Variants in UQCRFS1 observed in about 807,000 individuals in gnomAD.
UQCRFS1 encodes the protein cytochrome b-c1 complex subunit Rieske, mitochondrial.
A neutral mutation model predicts 15.6 loss-of-function variants in UQCRFS1; 6 were observed. The observed-to-expected ratio is 0.38, with a 90% CI of 0.21 to 0.76. The LOEUF (loss-of-function observed/expected upper bound fraction) is 0.76, where lower values mean the gene tolerates loss of function less well. Among genes scored for constraint, UQCRFS1 ranks in the 30% least tolerant of loss-of-function variants. The probability of loss-of-function intolerance (pLI) is 0.44; values close to 1 mark genes in which losing one functional copy is unlikely to be tolerated. For missense variants in UQCRFS1, 203 were observed against 366.7 expected (o/e 0.55, Z 3.65); for synonymous variants, 105 against 154.3 (o/e 0.68, Z 2.37).
rs934460041 is a variant in UQCRFS1, at chr19:29,207,278, C to T, written c.*270G>A. The stretch of plus-strand genomic sequence containing the variant: ...CAGATTTCACAAGTATCTTGTACAC[C>T]AGTCTGTAATTTTTAATTAGAATTA... On this transcript the variant is annotated 3_prime_UTR_variant, in exon 2 of 2. Coordinates refer to ENST00000304863, the MANE Select transcript of UQCRFS1 (RefSeq NM_006003.3). 11 of 331,426 alleles carry T rather than the reference C, an allele frequency of 3.3e-5. No individual in the cohort carries two copies. The highest frequency in any genetic ancestry group is 6.0e-5 in the Non-Finnish European group (11 of 182,532). The allele number at this position is 331,426 out of a possible 1,614,324, so 20.5% of individuals were successfully genotyped here.
rs1976598126 is a variant in UQCRFS1, at chr19:29,206,776, G to C, written c.*772C>G. 6.6e-6 allele frequency: 1 copy of C among 152,194 alleles called. No individual in the cohort carries two copies. The highest frequency in any genetic ancestry group is 1.5e-5 in the Non-Finnish European group (1 of 68,048). The allele number at this position is 152,194 out of a possible 1,614,324, so 9.4% of individuals were successfully genotyped here. A position where few individuals can be genotyped will look rare whatever the true frequency, so the allele number is the denominator to read the frequency against. On this transcript the variant is annotated 3_prime_UTR_variant, in exon 2 of 2. Transcript: ENST00000304863. ...TCTGCCTCCTGATAGAGTGGATGCAGGAACTTTGGGGACATGATGAACCAC... is the reference window on the plus strand; with the variant it reads ...TCTGCCTCCTGATAGAGTGGATGCACGAACTTTGGGGACATGATGAACCAC...
At position 29,205,456 on chromosome 19, in the gene UQCRFS1, A is replaced by AC. The variant is rs1210262694; in HGVS notation, c.*2091_*2092insG. The AC allele has an allele frequency of 3.3e-5, 5 of 152,282 alleles. No individual in the cohort carries two copies. Among genetic ancestry groups the AC allele is most frequent in the African/African-American group, 1.2e-4 (5 of 41,484 alleles). 9.4% of individuals were successfully genotyped at this position (152,282 alleles called of 1,614,324 possible). On this transcript the variant is annotated 3_prime_UTR_variant, in exon 2 of 2. Transcript: ENST00000304863. Reference sequence around the variant, plus strand: ...CAGGACAAATGCCCTCTATACACTCAGATTGAGTCAAAGTTTTTACAAAGG... The same window carrying AC: ...CAGGACAAATGCCCTCTATACACTCACGATTGAGTCAAAGTTTTTACAAAGG...
intron 1 of UQCRFS1, 109 bp downstream of exon 1, chr19:29,212,796 G>T (rs112748138): frequency 2.5e-6 from 3 of 1,199,924 alleles, no homozygotes; most frequent in South Asian, 4.5e-5. Context: ...CGCCCAGCCC[G>T]ACCTGATTCA....
chr19:29,206,319 C>A lies in UQCRFS1; in HGVS notation c.*1229G>T, dbSNP rs1267876572. On this transcript the variant is annotated 3_prime_UTR_variant, in exon 2 of 2. Coordinates refer to ENST00000304863, the MANE Select transcript of UQCRFS1 (RefSeq NM_006003.3). ...TGACATTTTCTTTTTTCTGTCAACA[C>A]CTAGCTATTAACATCAAAGGCTGGA... 2.0e-5 allele frequency: 3 copies of A among 152,152 alleles called. No homozygotes were observed. Among genetic ancestry groups the A allele is most frequent in the Admixed American group, 6.5e-5 (1 of 15,270 alleles). The allele number at this position is 152,152 out of a possible 1,614,324, so 9.4% of individuals were successfully genotyped here.
chr19:29,211,272 T>C lies in UQCRFS1; in HGVS notation c.214+1633A>G, dbSNP rs948609264. 3.2e-4 allele frequency among the ~76,000 whole-genome samples: 48 copies of C among 151,958 alleles called. 1 individual carries two copies. The highest frequency in any genetic ancestry group is 6.5e-5 in the Admixed American group (1 of 15,276). Reference sequence around the variant, plus strand: ...GACATTTATGCAGCCAAAAAACACATGAAAAAATGCTCAGCATCACTGGCC... The same window carrying C: ...GACATTTATGCAGCCAAAAAACACACGAAAAAATGCTCAGCATCACTGGCC... On this transcript the variant is annotated intron_variant, in intron 1 of 1. Transcript: ENST00000304863.
rs764636098 is a variant in UQCRFS1 at position 29,208,042 on chromosome 19, T to C, written c.331A>G (p.Lys111Glu). 3.1e-6 allele frequency: 5 copies of C among 1,613,912 alleles called. No individual in the cohort carries two copies. The African/African-American group carries it at 6.7e-5, about 22-fold the overall frequency. Residue 111 changes from lysine to glutamate, a missense_variant, in exon 2 of 2, where the codon AAA (lysine) becomes GAA (glutamate). Physicochemically the swap from Lys to Glu is moderately conservative, Grantham distance 56. Coordinates refer to ENST00000304863, the MANE Select transcript of UQCRFS1 (RefSeq NM_006003.3). ...CCAGTTACCAAATAGGAGAAACCTT[T>C]CCTAGCCTCGCTGCTTTCTCTTGAA... The part of the protein sequence containing the change: ...KSSRESSEAR[K>E]GFSYLVTGVT...
intron 1 of UQCRFS1, among the ~76,000 whole-genome samples, chr19:29,208,899 GA>G (rs781396159): frequency 2.0e-5 from 3 of 152,042 alleles, no homozygotes; most frequent in African/African-American, 7.2e-5. Context: ...TTTAGCAAGG[GA>G]AAAAAAGGGC....
intron 1 of UQCRFS1, among the ~76,000 whole-genome samples, chr19:29,208,483 G>A (rs1042613189): frequency 4.6e-5 from 7 of 152,142 alleles, no homozygotes; most frequent in Non-Finnish European, 8.8e-5. Flanking sequence ...ACGTTAAACA[G>A]CAAAATAAAC....
chr19:29,209,836 C>T (rs1298212397), intron 1 of UQCRFS1, among the ~76,000 whole-genome samples: 1 of 152,008 alleles, frequency 6.6e-6, no homozygotes, highest in Non-Finnish European at 1.5e-5. Context: ...AGGAAATGTA[C>T]AAGAAAACTC....
rs962274193 is a variant in UQCRFS1, at chr19:29,205,943, A to G, written c.*1605T>C. 6.6e-6 allele frequency: 1 copy of G among 152,172 alleles called. No individual in the cohort carries two copies. Among genetic ancestry groups the G allele is most frequent in the Admixed American group, 6.5e-5 (1 of 15,284 alleles). The allele number at this position is 152,172 out of a possible 1,614,324, so 9.4% of individuals were successfully genotyped here. A position where few individuals can be genotyped will look rare whatever the true frequency, so the allele number is the denominator to read the frequency against. On this transcript the variant is annotated 3_prime_UTR_variant, in exon 2 of 2. Transcript: ENST00000304863. The stretch of plus-strand genomic sequence containing the variant: ...TAAGTGAGTACCTAGAGACCTGCAA[A>G]CTTCCTACTTCTGTCCTCCACTGCC...
chr19:29,211,089 G>A (rs1976641222), intron 1 of UQCRFS1, among the ~76,000 whole-genome samples: 1 of 152,032 alleles, frequency 6.6e-6, no homozygotes, highest in Non-Finnish European at 1.5e-5. Flanking sequence ...GTGGTTTACA[G>A]GCAACCTAAA....
At position 29,205,882 on chromosome 19, in the gene UQCRFS1, GAAGT is replaced by G. The variant is rs372712801; in HGVS notation, c.*1662_*1665del. 5 of 152,176 alleles carry G rather than the reference GAAGT, an allele frequency of 3.3e-5. No individual in the cohort carries two copies. The highest frequency in any genetic ancestry group is 1.2e-4 in the African/African-American group (5 of 41,446). 9.4% of individuals were successfully genotyped at this position (152,176 alleles called of 1,614,324 possible). A position where few individuals can be genotyped will look rare whatever the true frequency, so the allele number is the denominator to read the frequency against. ...CCATCAAACTCTAAATATGAAAGATGAAGTAAGCAGCCACCAAATATAGCAATTC... is the reference window on the plus strand; with the variant it reads ...CCATCAAACTCTAAATATGAAAGATGAAGCAGCCACCAAATATAGCAATTC... On this transcript the variant is annotated 3_prime_UTR_variant, in exon 2 of 2. Coordinates refer to ENST00000304863, the MANE Select transcript of UQCRFS1 (RefSeq NM_006003.3).
rs1314525803 is a variant in UQCRFS1 at position 29,211,891 on chromosome 19, T to C, written c.214+1014A>G. Among the ~76,000 whole-genome samples, 4 of 152,166 alleles carry C rather than the reference T, an allele frequency of 2.6e-5. No homozygotes were observed. The South Asian group carries it at 8.3e-4, about 31-fold the overall frequency. The stretch of plus-strand genomic sequence containing the variant: ...GGTAACAGAATGAAACACGCAGACC[T>C]GGTAAAGACTGTGACAAACTGGAGA... On this transcript the variant is annotated intron_variant, in intron 1 of 1. Coordinates refer to ENST00000304863, the MANE Select transcript of UQCRFS1 (RefSeq NM_006003.3).
rs1325626620 is a variant in UQCRFS1 at position 29,206,068 on chromosome 19, G to GT, written c.*1479dup. The GT allele has an allele frequency of 6.6e-6, 1 of 152,094 alleles. No homozygotes were observed. The highest frequency in any genetic ancestry group is 1.5e-5 in the Non-Finnish European group (1 of 68,036). The allele number at this position is 152,094 out of a possible 1,614,324, so 9.4% of individuals were successfully genotyped here. On this transcript the variant is annotated 3_prime_UTR_variant, in exon 2 of 2. Coordinates refer to ENST00000304863, the MANE Select transcript of UQCRFS1 (RefSeq NM_006003.3). ...GCTGTTGACATTTTTGGCAGCACAG[G>GT]TTTTTTAGTGTGTGGACCTGTGTTC...
At chr19:29,209,060 A>C (rs1976619430) in intron 1 of UQCRFS1, among the ~76,000 whole-genome samples, 1 of 152,160 alleles carries the variant, frequency 6.6e-6, no homozygotes, top group African/African-American at 2.4e-5. Context: ...TAAACAAATA[A>C]TTACTATGTA....
rs1177299561 is a variant in UQCRFS1, at chr19:29,206,013, G to GTT, written c.*1533_*1534dup. The GTT allele has an allele frequency of 6.6e-6, 1 of 152,110 alleles. No individual in the cohort carries two copies. Among genetic ancestry groups the GTT allele is most frequent in the Non-Finnish European group, 1.5e-5 (1 of 68,032 alleles). 9.4% of individuals were successfully genotyped at this position (152,110 alleles called of 1,614,324 possible). A position where few individuals can be genotyped will look rare whatever the true frequency, so the allele number is the denominator to read the frequency against. On this transcript the variant is annotated 3_prime_UTR_variant, in exon 2 of 2. Transcript: ENST00000304863. ...CACTTCAGGGTGGGAGGTGATATAG[G>GTT]TTATCAGTATTTCTCTATAGGGAGG...
At chr19:29,212,304 TGTC>T (rs1210056077) in intron 1 of UQCRFS1, among the ~76,000 whole-genome samples, 1 of 152,094 alleles carries the variant, frequency 6.6e-6, no homozygotes, top group Non-Finnish European at 1.5e-5. Flanking sequence ...AAAATGTAAA[TGTC>T]GTCAATCTCT....
chr19:29,210,867 A>G (rs1353593263), intron 1 of UQCRFS1, among the ~76,000 whole-genome samples: 2 of 152,032 alleles, frequency 1.3e-5, no homozygotes, highest in African/African-American at 4.8e-5. Context: ...TCTTTTGGGT[A>G]TATACCCAGT....
In UQCRFS1 at chr19:29,212,984, C is replaced by G. The variant is rs2145209304; in HGVS notation, c.135G>C (p.Leu45=). 1 of 1,402,906 alleles carries G rather than the reference C, an allele frequency of 7.1e-7. No homozygotes were observed. Among genetic ancestry groups the G allele is most frequent in the East Asian group, 3.0e-5 (1 of 33,396 alleles). The allele number at this position is 1,402,906 out of a possible 1,614,324, so 86.9% of individuals were successfully genotyped here. Residue 45 remains leucine (L), a synonymous_variant, in exon 1 of 2, where the codon CTG becomes CTC. Coordinates refer to ENST00000304863, the MANE Select transcript of UQCRFS1 (RefSeq NM_006003.3). ...PATPEQPVLD[L]KRPFLSRESL... ...ACTCCCGGCTGAGGAAGGGCCGCTTCAGGTCCAACACAGGCTGCTCCGGGG... is the reference window on the plus strand; with the variant it reads ...ACTCCCGGCTGAGGAAGGGCCGCTTGAGGTCCAACACAGGCTGCTCCGGGG...
Sources: gnomAD v4.1 joint callset for allele counts (sites outside exome capture counted in the v4.1 genomes callset) on GRCh38, gnomAD v4.1.1 for gene constraint, MANE v1.5 for transcripts, NCBI Gene and HGNC (gene_info 2026-07-23, HGNC 2026-07-21) for gene names.